The following NADK2 variants were observed in gnomAD, a reference collection of about 807,000 sequenced individuals.
NADK2 encodes the protein NAD kinase 2, mitochondrial.
In NADK2, 35 loss-of-function variants were observed where a neutral mutation model predicts 62.1. The ratio of observed to expected loss-of-function variants is 0.56; its 90% confidence interval spans 0.43 to 0.75. NADK2 has a LOEUF of 0.75. Among genes scored for constraint, NADK2 ranks in the 30% least tolerant of loss-of-function variants. NADK2 has a pLI of 0.00. For synonymous variants in NADK2, 205 were observed against 207.9 expected (o/e 0.99, Z 0.12); for missense variants, 439 against 561.3 (o/e 0.78, Z 2.20).
At chr5:36,239,460 A>G (rs1428127393) in intron 1 of NADK2, among the ~76,000 whole-genome samples, 2 of 152,218 alleles carry the variant, frequency 1.3e-5, no homozygotes, top group Non-Finnish European at 2.9e-5. Flanking sequence ...TGGCAATTAC[A>G]AAACTGTGTA....
At chr5:36,237,469 T>C (rs1747952054) in intron 1 of NADK2, among the ~76,000 whole-genome samples, 2 of 152,174 alleles carry the variant, frequency 1.3e-5, no homozygotes, top group African/African-American at 2.4e-5. Context: ...ACACAAGAAA[T>C]TGATAACAGT....
At chr5:36,200,624 C>T (rs958072691) in intron 9 of NADK2, among the ~76,000 whole-genome samples, 3 of 151,920 alleles carry the variant, frequency 2.0e-5, no homozygotes, top group African/African-American at 7.3e-5. Context: ...TTCTGAGTAG[C>T]ATGGTAAAAT....
chr5:36,221,127 A>C (rs1047361076), intron 4 of NADK2: 5 of 152,212 alleles, frequency 3.3e-5, no homozygotes, highest in Non-Finnish European at 7.3e-5. Flanking sequence ...TTGGAGGCTG[A>C]CTACCACATG....
intron 6 of NADK2, among the ~76,000 whole-genome samples, chr5:36,217,079 T>C (rs1747072784): frequency 6.6e-6 from 1 of 152,022 alleles, no homozygotes; most frequent in African/African-American, 2.4e-5. Flanking sequence ...AAAGCAAAAA[T>C]GTAAAAGTAG....
intron 5 of NADK2, chr5:36,218,196 G>T: frequency 5.4e-6 from 1 of 185,380 alleles, no homozygotes; most frequent in African/African-American, 2.3e-5. Context: ...CTTGTGCTTT[G>T]CTCAGCAAAA....
rs546641841 is a variant in NADK2 at position 36,193,474 on chromosome 5, C to CCA, written c.*1669_*1670insTG. ...GGGTGACAAAGCAAGACTCCGTTCT[C>CCA]AAAAAAAAAAAAAAAAAAAAAGAAG... On this transcript the variant is annotated 3_prime_UTR_variant, in exon 12 of 12. Coordinates refer to ENST00000381937, the MANE Select transcript of NADK2 (RefSeq NM_001085411.3). The CCA allele has an allele frequency of 5.0e-5, 3 of 60,434 alleles. No homozygotes were observed. Among genetic ancestry groups the CCA allele is most frequent in the African/African-American group, 1.7e-4 (3 of 17,248 alleles). 3.7% of individuals were successfully genotyped at this position (60,434 alleles called of 1,614,324 possible). A position where few individuals can be genotyped will look rare whatever the true frequency, so the allele number is the denominator to read the frequency against.
intron 3 of NADK2, 53 bp downstream of exon 3, chr5:36,226,422 T>C: frequency 7.4e-7 from 1 of 1,359,914 alleles, no homozygotes; most frequent in Non-Finnish European, 1.0e-6. Context: ...CTGGAAATAA[T>C]GTGTATTAAA....
rs1222075456 is a variant in NADK2 at position 36,193,899 on chromosome 5, T to C, written c.*1245A>G. On this transcript the variant is annotated 3_prime_UTR_variant, in exon 12 of 12. Coordinates refer to ENST00000381937, the MANE Select transcript of NADK2 (RefSeq NM_001085411.3). ...TCATCAACATATCCAGCACCTGACATAGTTTTACATGGCACAGAGTGGGTG... is the reference window on the plus strand; with the variant it reads ...TCATCAACATATCCAGCACCTGACACAGTTTTACATGGCACAGAGTGGGTG... The C allele has an allele frequency of 1.3e-5, 2 of 152,612 alleles. No homozygotes were observed. The highest frequency in any genetic ancestry group is 1.3e-4 in the Admixed American group (2 of 15,266). The allele number at this position is 152,612 out of a possible 1,614,324, so 9.5% of individuals were successfully genotyped here. A position where few individuals can be genotyped will look rare whatever the true frequency, so the allele number is the denominator to read the frequency against.
At chr5:36,224,660 G>C (rs1277296770) in intron 4 of NADK2, among the ~76,000 whole-genome samples, 1 of 152,062 alleles carries the variant, frequency 6.6e-6, no homozygotes, top group East Asian at 1.9e-4. Context: ...TCAAAATACT[G>C]AAAGTCAAAG....
At chr5:36,242,135 C>A (rs916290329), upstream of NADK2, 2 of 155,278 alleles carry the variant, frequency 1.3e-5, no homozygotes, top group African/African-American at 4.8e-5. Context: ...GGGCGACCTC[C>A]CCGCACCACA....
chr5:36,204,594 A>C (rs891732161), intron 8 of NADK2, among the ~76,000 whole-genome samples: 3 of 152,132 alleles, frequency 2.0e-5, no homozygotes, highest in African/African-American at 4.8e-5. Flanking sequence ...GTTACAAAAT[A>C]ATTTTATAAC....
intron 8 of NADK2, among the ~76,000 whole-genome samples, chr5:36,203,466 T>A (rs1181757306): frequency 6.6e-6 from 1 of 152,046 alleles, no homozygotes; most frequent in Non-Finnish European, 1.5e-5. Context: ...ACATGTTAGA[T>A]GCAAGCAAGC....
At chr5:36,219,455 C>T (rs1240651486) in intron 5 of NADK2, 141 bp downstream of exon 5, 3 of 622,808 alleles carry the variant, frequency 4.8e-6, no homozygotes, top group East Asian at 3.0e-5. Flanking sequence ...AAGTGATCCA[C>T]CCGCATCGGC....
At chr5:36,218,555 C>A (rs1747135736) in intron 5 of NADK2, among the ~76,000 whole-genome samples, 1 of 152,062 alleles carries the variant, frequency 6.6e-6, no homozygotes, top group Admixed American at 6.5e-5. Context: ...TGACTAGAAA[C>A]TAGAATTACT....
At chr5:36,210,256 C>G (rs1402889983) in intron 7 of NADK2, among the ~76,000 whole-genome samples, 1 of 152,232 alleles carries the variant, frequency 6.6e-6, no homozygotes. Flanking sequence ...AACTTTATAT[C>G]ACAGTAGTCA....
At chr5:36,198,516 G>A (rs528838560) in intron 10 of NADK2, among the ~76,000 whole-genome samples, 10 of 150,752 alleles carry the variant, frequency 6.6e-5, no homozygotes, top group Non-Finnish European at 8.9e-5. Flanking sequence ...GTCAAATCTT[G>A]AAAGGAATGC....
At chr5:36,225,670 T>C (rs746809002) in intron 3 of NADK2, 47 bp from the exon 4 acceptor site, 14 of 1,571,416 alleles carry the variant, frequency 8.9e-6, no homozygotes, top group Admixed American at 3.5e-5. Flanking sequence ...ATTTCTGTTA[T>C]AAATCTAGTT....
intron 4 of NADK2, among the ~76,000 whole-genome samples, 169 bp downstream of exon 4, chr5:36,225,373 C>T (rs1747443233): frequency 6.6e-6 from 1 of 152,026 alleles, no homozygotes; most frequent in African/African-American, 2.4e-5. Flanking sequence ...AGCAACAGAG[C>T]CCAAGAATGT....
At chr5:36,204,597 T>G (rs1395133241) in intron 8 of NADK2, among the ~76,000 whole-genome samples, 2 of 152,122 alleles carry the variant, frequency 1.3e-5, no homozygotes, top group Non-Finnish European at 2.9e-5. Flanking sequence ...ACAAAATAAT[T>G]TTATAACATA....
Sources: allele counts gnomAD v4.1 joint callset (sites outside exome capture counted in the v4.1 genomes callset), GRCh38; gene constraint gnomAD v4.1.1; transcripts MANE v1.5; gene names NCBI Gene and HGNC (gene_info 2026-07-23, HGNC 2026-07-21).